The following ADGRL2 variants were observed in gnomAD, a reference collection of about 807,000 sequenced individuals.
The protein encoded by ADGRL2 is calcium-independent alpha-latrotoxin receptor 2.
ADGRL2 carries 44 observed loss-of-function variants against 157.4 expected under a neutral mutation model. That is an observed-to-expected ratio of 0.28 (90% CI 0.22 to 0.36). The LOEUF (loss-of-function observed/expected upper bound fraction) is 0.36, where lower values mean the gene tolerates loss of function less well. ADGRL2 is among the 10% of genes least tolerant of loss of function. The pLI is 1.00. For synonymous variants in ADGRL2, 585 were observed against 624.7 expected (o/e 0.94, Z 0.95); for missense variants, 1,510 against 1,768.9 (o/e 0.85, Z 2.63).
At chr1:81,686,324 G>T (rs1480186979) in intron 3 of ADGRL2, among the ~76,000 whole-genome samples, 3 of 152,060 alleles carry the variant, frequency 2.0e-5, no homozygotes, top group African/African-American at 7.2e-5. Context: ...CTTGTTATTG[G>T]TCTGTTTGGG....
intron 11 of ADGRL2, among the ~76,000 whole-genome samples, chr1:81,958,696 T>C (rs1484847553): frequency 6.6e-6 from 1 of 152,072 alleles, no homozygotes; most frequent in East Asian, 1.9e-4. Flanking sequence ...TTTGATGGAG[T>C]ATGGCAGTTG....
At chr1:81,368,452 A>T (rs552555137) in intron 1 of ADGRL2, among the ~76,000 whole-genome samples, 3 of 151,784 alleles carry the variant, frequency 2.0e-5, no homozygotes, top group African/African-American at 7.3e-5. Context: ...AGCTATCTCT[A>T]CCTCCACTGG....
chr1:81,792,192 A>G (rs2087382666), intron 2 of ADGRL2, among the ~76,000 whole-genome samples: 2 of 152,194 alleles, frequency 1.3e-5, no homozygotes, highest in Non-Finnish European at 2.9e-5. Context: ...GTCAGCCTAC[A>G]ATTTCAGTAA....
chr1:81,756,592 A>G (rs1498209), intron 1 of ADGRL2, among the ~76,000 whole-genome samples: 71,010 of 151,928 alleles, frequency 0.47, 17,535 homozygotes, highest in East Asian at 0.85. Context: ...ATGGAAAAAT[A>G]CTGTTAAAAT....
intron 2 of ADGRL2, among the ~76,000 whole-genome samples, chr1:81,499,900 G>A (rs999932234): frequency 6.6e-6 from 1 of 151,968 alleles, no homozygotes; most frequent in African/African-American, 2.4e-5. Flanking sequence ...ATGTACATAT[G>A]TGTATACACA....
At chr1:81,826,162 G>GTT (rs1483593746) in intron 1 of ADGRL2, among the ~76,000 whole-genome samples, 33 of 152,156 alleles carry the variant, frequency 2.2e-4, no homozygotes, top group Admixed American at 5.9e-4. Flanking sequence ...GTGTATCCAT[G>GTT]CATACATGCA....
chr1:81,350,090 A>T (rs1351592035), intron 1 of ADGRL2, among the ~76,000 whole-genome samples: 1 of 152,188 alleles, frequency 6.6e-6, no homozygotes, highest in African/African-American at 2.4e-5. Context: ...ACCTTTCTTT[A>T]TTCCTCTTGG....
chr1:81,573,243 A>C (rs944395445), intron 2 of ADGRL2, among the ~76,000 whole-genome samples: 2 of 152,132 alleles, frequency 1.3e-5, no homozygotes, highest in Admixed American at 1.3e-4. Flanking sequence ...GAGTCCAGAT[A>C]GGAAGCAGAG....
At chr1:81,338,641 C>T (rs1420896794) in intron 1 of ADGRL2, among the ~76,000 whole-genome samples, 1 of 152,160 alleles carries the variant, frequency 6.6e-6, no homozygotes, top group Non-Finnish European at 1.5e-5. Context: ...AATTTAATAA[C>T]AATTGTTAAT....
rs921847362 is a variant in ADGRL2, at chr1:81,464,357, G to A, written c.-248+19268G>A. Among the ~76,000 whole-genome samples, 9 of 151,894 alleles carry A rather than the reference G, an allele frequency of 5.9e-5. No individual in the cohort carries two copies. In the East Asian group the frequency reaches 9.7e-4, roughly 16 times the overall value. The stretch of plus-strand genomic sequence containing the variant: ...ATCTCTAGTATGTGAAAATAGAAAA[G>A]CATCTGAGTATCTGGGCAGCCTATC... On this transcript the variant is annotated intron_variant, in intron 2 of 24. Transcript: ENST00000370721.
At chr1:81,727,074 T>A (rs1265591245) in intron 1 of ADGRL2, among the ~76,000 whole-genome samples, 1 of 152,212 alleles carries the variant, frequency 6.6e-6, no homozygotes, top group East Asian at 1.9e-4. Flanking sequence ...ACTACAATGT[T>A]CTCCTTTAAC....
At chr1:81,322,123 T>TAC (rs60009314) in intron 1 of ADGRL2, among the ~76,000 whole-genome samples, 5 of 137,646 alleles carry the variant, frequency 3.6e-5, no homozygotes, top group Non-Finnish European at 6.2e-5. Context: ...CATATATATA[T>TAC]ACACACACAC....
intron 1 of ADGRL2, among the ~76,000 whole-genome samples, chr1:81,370,250 A>G (rs1156983833): frequency 6.6e-6 from 1 of 152,220 alleles, no homozygotes; most frequent in Non-Finnish European, 1.5e-5. Context: ...TACAACTGGT[A>G]TAGTAGAAAC....
chr1:81,629,221 G>A (rs1012546221), intron 3 of ADGRL2, among the ~76,000 whole-genome samples: 4 of 152,156 alleles, frequency 2.6e-5, no homozygotes, highest in African/African-American at 9.6e-5. Flanking sequence ...AAAAATAAAG[G>A]TTGAATCCTA....
intron 1 of ADGRL2, among the ~76,000 whole-genome samples, chr1:81,750,367 T>A (rs776303652): frequency 6.6e-6 from 1 of 152,182 alleles, no homozygotes; most frequent in African/African-American, 2.4e-5. Context: ...AGTAAACATA[T>A]TAAAAATAAC....
chr1:81,722,827 C>G, intron 1 of ADGRL2: 1 of 710,056 alleles, frequency 1.4e-6, no homozygotes, highest in East Asian at 2.5e-5. Context: ...TGGCTCTTTT[C>G]CAGGTGGCTT....
intron 11 of ADGRL2, among the ~76,000 whole-genome samples, chr1:81,964,260 G>A (rs1204663873): frequency 6.6e-6 from 1 of 151,838 alleles, no homozygotes; most frequent in African/African-American, 2.4e-5. Context: ...TCTATGTTTG[G>A]GATGATTCAT....
At chr1:81,921,832 A>G (rs1572138319) in intron 3 of ADGRL2, among the ~76,000 whole-genome samples, 2 of 152,320 alleles carry the variant, frequency 1.3e-5, no homozygotes, top group East Asian at 3.9e-4. Context: ...GGCTTCTGAA[A>G]ATGATATCTT....
In ADGRL2 at chr1:81,453,336, A is replaced by C. The variant is rs1237774874; in HGVS notation, c.-248+8247A>C. Among the ~76,000 whole-genome samples the C allele has an allele frequency of 3.9e-5, 6 of 152,192 alleles. No homozygotes were observed. In the East Asian group the frequency reaches 1.2e-3, roughly 29 times the overall value. Reference sequence around the variant, plus strand: ...GCGTTGGCACCAGGGTGAGAAGTAGATGAAAAAACGCCGAGAAAAACAAAG... The same window carrying C: ...GCGTTGGCACCAGGGTGAGAAGTAGCTGAAAAAACGCCGAGAAAAACAAAG... On this transcript the variant is annotated intron_variant, in intron 2 of 24. Coordinates refer to the ADGRL2 transcript ENST00000370721.
Sources: gnomAD v4.1 joint callset for allele counts (sites outside exome capture counted in the v4.1 genomes callset) on GRCh38, gnomAD v4.1.1 for gene constraint, MANE v1.5 for transcripts, NCBI Gene and HGNC (gene_info 2026-07-23, HGNC 2026-07-21) for gene names.